The following MCF2L2 variants were observed in gnomAD, a reference collection of about 807,000 sequenced individuals.
MCF2L2 encodes probable guanine nucleotide exchange factor MCF2L2.
A neutral mutation model predicts 150.2 loss-of-function variants in MCF2L2; 102 were observed. The ratio of observed to expected loss-of-function variants is 0.68; its 90% CI spans 0.58 to 0.80. MCF2L2 has a LOEUF of 0.80. Ranked by LOEUF, MCF2L2 falls within the 30% of genes least tolerant of loss-of-function variation. MCF2L2 has a pLI of 0.00. For synonymous variants in MCF2L2, 465 were observed against 491.3 expected (o/e 0.95, Z 0.71); for missense variants, 1,256 against 1,372.8 (o/e 0.91, Z 1.34).
At chr3:183,269,230 CTTTT>C (rs60835895) in intron 15 of MCF2L2, among the ~76,000 whole-genome samples, 6 of 81,028 alleles carry the variant, frequency 7.4e-5, no homozygotes, top group Non-Finnish European at 1.1e-4. Flanking sequence ...GTTTGGGAAG[CTTTT>C]TTTTTTTTTT....
rs538171120 is a variant in MCF2L2 at position 183,300,972 on chromosome 3, G to A, written c.1114-776C>T. On this transcript the variant is annotated intron_variant, in intron 10 of 29. Transcript: ENST00000328913. ...GGAGATTGCAGTGAATTGAGATTGCGCCACTGCACTCCAGCCTGGGTGACA... is the reference window on the plus strand; with the variant it reads ...GGAGATTGCAGTGAATTGAGATTGCACCACTGCACTCCAGCCTGGGTGACA... Among the ~76,000 whole-genome samples, 4 of 131,476 alleles carry A rather than the reference G, an allele frequency of 3.0e-5. No individual in the cohort carries two copies. The South Asian group carries it at 7.3e-4, about 24-fold the overall frequency. The allele number at this position is 131,476 out of a possible 152,430, so 86.3% of individuals were successfully genotyped here. A position where few individuals can be genotyped will look rare whatever the true frequency, so the allele number is the denominator to read the frequency against.
intron 15 of MCF2L2, among the ~76,000 whole-genome samples, chr3:183,238,055 G>A (rs572178718): frequency 6.8e-6 from 1 of 147,972 alleles, no homozygotes; most frequent in East Asian, 2.0e-4. Context: ...ATTGCACTGT[G>A]GTCTGAGAGA....
chr3:183,189,211 G>A (rs945219976), intron 27 of MCF2L2, among the ~76,000 whole-genome samples: 2 of 152,176 alleles, frequency 1.3e-5, no homozygotes, highest in African/African-American at 2.4e-5. Flanking sequence ...CTCCATTTCC[G>A]AGCCCATGGT....
rs780301597 is a variant in MCF2L2 at position 183,207,666 on chromosome 3, C to T, written c.2654G>A (p.Arg885Gln). ...TAATCCCTGGTCCCCAGGCTCCATT[C>T]GTATCTTACAGAACACTATTCCCCT... is the stretch of plus-strand genomic sequence containing the variant. ...FERGIVFCKI[R>Q]MEPGDQGLSP... The change falls in exon 23 of 30, where the codon CGA becomes CAA. Residue 885 changes from arginine to glutamine, a missense_variant. Transcript: ENST00000328913. The T allele has an allele frequency of 8.7e-6, 14 of 1,614,096 alleles. No individual in the cohort carries two copies. The highest frequency in any genetic ancestry group is 4.4e-5 in the South Asian group (4 of 91,084).
intron 15 of MCF2L2, among the ~76,000 whole-genome samples, chr3:183,251,861 G>A (rs1724555054): frequency 1.3e-5 from 2 of 151,360 alleles, no homozygotes; most frequent in South Asian, 4.2e-4. Context: ...ATCCCAGAGT[G>A]GGCATTCTGG....
chr3:183,406,108 G>A (rs1715026064), intron 1 of MCF2L2, among the ~76,000 whole-genome samples: 1 of 152,084 alleles, frequency 6.6e-6, no homozygotes, highest in Non-Finnish European at 1.5e-5. Context: ...ATTTTCTTGG[G>A]TTGCGATTAC....
At chr3:183,187,323 G>A (rs1721733398) in intron 27 of MCF2L2, among the ~76,000 whole-genome samples, 1 of 152,108 alleles carries the variant, frequency 6.6e-6, no homozygotes, top group South Asian at 2.1e-4. Context: ...TTAGCTCTGA[G>A]GTACAACAGT....
intron 6 of MCF2L2, among the ~76,000 whole-genome samples, chr3:183,320,923 GT>G (rs530031330): frequency 1.2e-3 from 185 of 152,278 alleles, no homozygotes; most frequent in African/African-American, 3.7e-3. Context: ...AGAGGTCATT[GT>G]AAGGTAATTA....
chr3:183,318,088 T>C lies in MCF2L2; in HGVS notation c.733A>G (p.Arg245Gly), dbSNP rs1401628922. 1 of 1,613,902 alleles carries C rather than the reference T, an allele frequency of 6.2e-7. No individual in the cohort carries two copies. The highest frequency in any genetic ancestry group is 2.2e-5 in the East Asian group (1 of 44,890). ...CTCACCTGCAGCTTGTCCCGCTGCC[T>C]TGTGTGGGACATGAGAAGGTCTTCC... ...STEDLLMSHT[R>G]QRDKLQDELK... is the part of the protein sequence containing the mutation. The change falls in exon 7 of 30, where the codon AGG becomes GGG. Residue 245 changes from arginine to glycine, a missense_variant. By Grantham distance (125) the Arg-to-Gly change is moderately radical. Transcript: ENST00000328913.
chr3:183,380,866 G>A (rs1307232880), intron 2 of MCF2L2, among the ~76,000 whole-genome samples: 1 of 152,042 alleles, frequency 6.6e-6, no homozygotes, highest in Non-Finnish European at 1.5e-5. Context: ...TTGATTGCAA[G>A]GTTTAAGATA....
chr3:183,302,110 CAT>C (rs968748429), intron 10 of MCF2L2, among the ~76,000 whole-genome samples: 14 of 152,188 alleles, frequency 9.2e-5, no homozygotes, highest in Non-Finnish European at 1.3e-4. Flanking sequence ...ACATTTCACA[CAT>C]GTTGTCACAA....
chr3:183,263,191 G>A lies in MCF2L2; in HGVS notation c.1862+13681C>T, dbSNP rs185351380. ...CTTCCTGGCTGATAAGGTGTCTTGA[G>A]TGTTGGGAGATCACATGATCAAAAT... On this transcript the variant is annotated intron_variant, in intron 15 of 29. Coordinates refer to ENST00000328913, the MANE Select transcript of MCF2L2 (RefSeq NM_015078.4). Among the ~76,000 whole-genome samples the A allele has an allele frequency of 2.6e-4, 39 of 152,300 alleles. No individual in the cohort carries two copies. In the East Asian group the frequency reaches 4.4e-3, roughly 17 times the overall value.
At chr3:183,321,098 T>C (rs1729791600) in intron 6 of MCF2L2, among the ~76,000 whole-genome samples, 1 of 152,136 alleles carries the variant, frequency 6.6e-6, no homozygotes, top group Middle Eastern at 3.2e-3. Context: ...CCCAAAACAA[T>C]TACAATAGCA....
At chr3:183,280,758 G>A (rs1727421864) in intron 14 of MCF2L2, among the ~76,000 whole-genome samples, 1 of 150,426 alleles carries the variant, frequency 6.6e-6, no homozygotes, top group African/African-American at 2.5e-5. Flanking sequence ...TGAGGCAGGA[G>A]AATCGCTTGA....
At chr3:183,355,497 A>G (rs1473749014) in intron 3 of MCF2L2, among the ~76,000 whole-genome samples, 1 of 148,936 alleles carries the variant, frequency 6.7e-6, no homozygotes, top group South Asian at 2.1e-4. Flanking sequence ...GCATAGGTGG[A>G]GTGCCGTGGC....
intron 25 of MCF2L2, among the ~76,000 whole-genome samples, chr3:183,203,191 C>T (rs555581877): frequency 6.6e-6 from 1 of 151,898 alleles, no homozygotes; most frequent in South Asian, 2.1e-4. Context: ...CCAGCCTGGG[C>T]TACAGAGCAA....
chr3:183,420,748 C>T (rs942431964), intron 1 of MCF2L2, among the ~76,000 whole-genome samples: 6 of 152,192 alleles, frequency 3.9e-5, no homozygotes, highest in Non-Finnish European at 5.9e-5. Flanking sequence ...CTTCGCAAGG[C>T]AGCAGGAGAG....
chr3:183,416,168 CTAT>C (rs1475139077), intron 1 of MCF2L2, among the ~76,000 whole-genome samples: 14 of 152,208 alleles, frequency 9.2e-5, no homozygotes, highest in Admixed American at 7.2e-4. Flanking sequence ...CACTTTGCTG[CTAT>C]TATTGTTATA....
intron 15 of MCF2L2, among the ~76,000 whole-genome samples, chr3:183,269,248 TAA>T (rs1560386971): frequency 6.7e-6 from 1 of 149,354 alleles, no homozygotes; most frequent in African/African-American, 2.5e-5. Context: ...TTTTTTTTTT[TAA>T]GAGTAGGAGT....
Sources: allele counts gnomAD v4.1 joint callset (sites outside exome capture counted in the v4.1 genomes callset), GRCh38; gene constraint gnomAD v4.1.1; transcripts MANE v1.5; gene names NCBI Gene and HGNC (gene_info 2026-07-23, HGNC 2026-07-21).